The following LAMC3 variants were observed in gnomAD, a reference collection of about 807,000 sequenced individuals.
LAMC3 encodes laminin subunit gamma-3.
A neutral mutation model predicts 173.8 loss-of-function variants in LAMC3; 128 were observed. The ratio of observed to expected loss-of-function variants is 0.74; its 90% confidence interval spans 0.64 to 0.85. LAMC3 has a LOEUF of 0.85. Among genes scored for constraint, LAMC3 ranks in the 40% least tolerant of loss-of-function variants. The pLI is 0.00. For missense variants in LAMC3, 2,022 were observed against 2,156.0 expected (o/e 0.94, Z 1.23); for synonymous variants, 897 against 909.1 (o/e 0.99, Z 0.24).
rs369150856 is a variant in LAMC3, at chr9:131,037,873, C to T, written c.977-991C>T. ...CGGCTCCCCCTTTGCTCCCAGCTAA[C>T]GTCCACTGACCACGGCAGCCCAGCC... On this transcript the variant is annotated intron_variant, in intron 4 of 27. Coordinates refer to ENST00000361069, the MANE Select transcript of LAMC3 (RefSeq NM_006059.4). Among the ~76,000 whole-genome samples the T allele has an allele frequency of 3.9e-4, 59 of 152,350 alleles. 2 individuals are homozygous for T. The South Asian group carries it at 0.011, about 27-fold the overall frequency.
chr9:131,027,183 G>C (rs960058264), intron 2 of LAMC3, among the ~76,000 whole-genome samples: 2 of 152,260 alleles, frequency 1.3e-5, no homozygotes, highest in Non-Finnish European at 2.9e-5. Flanking sequence ...TGTGAGGGCT[G>C]TCAACCCACC....
At chr9:131,066,813 G>A (rs1180583655) in intron 13 of LAMC3, 147 bp from the exon 14 acceptor site, 15 of 1,026,602 alleles carry the variant, frequency 1.5e-5, no homozygotes, top group Non-Finnish European at 2.2e-5. Context: ...GCTGTGGGCA[G>A]CCACTGGGGG....
At position 131,009,991 on chromosome 9, in the gene LAMC3, T is replaced by C. The variant is rs1443377109; in HGVS notation, c.373+404T>C. On this transcript the variant is annotated intron_variant, in intron 1 of 27. Transcript: ENST00000361069. The surrounding 1 kb of genome is among the most constrained non-coding windows in gnomAD (Gnocchi z 4.3). ...CAACATGGTGAAAACCCGTCTCTACTAAAAATAGAAAATTTGGCCGGGCGT... is the reference window on the plus strand; with the variant it reads ...CAACATGGTGAAAACCCGTCTCTACCAAAAATAGAAAATTTGGCCGGGCGT... Among the ~76,000 whole-genome samples, 2 of 151,446 alleles carry C rather than the reference T, an allele frequency of 1.3e-5. No homozygotes were observed. Among genetic ancestry groups the C allele is most frequent in the African/African-American group, 4.9e-5 (2 of 41,172 alleles).
chr9:131,017,750 G>A (rs547948336), intron 1 of LAMC3, among the ~76,000 whole-genome samples: 256 of 144,190 alleles, frequency 1.8e-3, no homozygotes, highest in Non-Finnish European at 3.2e-3. Flanking sequence ...AAAAGGCCAG[G>A]TGCAGTAGTT....
chr9:131,033,769 G>A (rs963173651), intron 3 of LAMC3, among the ~76,000 whole-genome samples: 6 of 152,144 alleles, frequency 3.9e-5, no homozygotes, highest in African/African-American at 1.4e-4. Context: ...ACGCGACTGA[G>A]GATGGAAACG....
chr9:131,062,784 G>T (rs1378577367), intron 13 of LAMC3, among the ~76,000 whole-genome samples: 1 of 151,812 alleles, frequency 6.6e-6, no homozygotes, highest in African/African-American at 2.4e-5. Context: ...TAGGAGAATT[G>T]CTTGAACCCA....
rs539016762 is a variant in LAMC3, at chr9:131,042,416, ACAGTCTTCCC to A, written c.1382+683_1382+692del. Among the ~76,000 whole-genome samples, 8 of 151,958 alleles carry A rather than the reference ACAGTCTTCCC, an allele frequency of 5.3e-5. No homozygotes were observed. In the East Asian group the frequency reaches 1.4e-3, roughly 26 times the overall value. On this transcript the variant is annotated intron_variant, in intron 7 of 27. Coordinates refer to ENST00000361069, the MANE Select transcript of LAMC3 (RefSeq NM_006059.4). The stretch of plus-strand genomic sequence containing the variant: ...TACACATCACTAAGGGAGCACTATC[ACAGTCTTCCC>A]CTTTCTTACCCACAGCAGATATCAC...
chr9:131,026,360 G>A lies in LAMC3; in HGVS notation c.449G>A (p.Arg150His), dbSNP rs774775769. Residue 150 changes from arginine to histidine, a missense_variant, in exon 2 of 28, where the codon CGC becomes CAC. Transcript: ENST00000361069. The surrounding 1 kb of genome is among the most constrained non-coding windows in gnomAD (Gnocchi z 4.8). ...SRPESFAIYK[R>H]SRADGPWEPY... ...CCTGAGAGCTTTGCCATCTACAAGCGCAGCCGCGCCGACGGCCCATGGGAG... is the reference window on the plus strand; with the variant it reads ...CCTGAGAGCTTTGCCATCTACAAGCACAGCCGCGCCGACGGCCCATGGGAG... 19 of 1,614,170 alleles carry A rather than the reference G, an allele frequency of 1.2e-5. No homozygotes were observed. Among genetic ancestry groups the A allele is most frequent in the Non-Finnish European group, 1.6e-5 (19 of 1,180,044 alleles).
Position 131,069,631 on chromosome 9 carries a change from G to A in LAMC3, c.2891-41G>A, listed in dbSNP as rs769002223. Reference sequence around the variant, plus strand: ...CTAAACCCAGCACGCACTGCCCCTGGCCCCTCTAAACCCAGCACGCACTGC... The same window carrying A: ...CTAAACCCAGCACGCACTGCCCCTGACCCCTCTAAACCCAGCACGCACTGC... On this transcript the variant is annotated intron_variant, in intron 16 of 27. Transcript: ENST00000361069. 1.3e-5 allele frequency: 20 copies of A among 1,574,622 alleles called. No individual in the cohort carries two copies. The South Asian group carries it at 2.2e-4, about 17-fold the overall frequency.
rs149563995 is a variant in LAMC3, at chr9:131,080,879, G to A, written c.3928-1180G>A. ...TCAGAATAGGCCTGAGGCAGTACTA[G>A]TGGCTCCTCAAACTACTATTTATTT... is the stretch of plus-strand genomic sequence containing the variant. On this transcript the variant is annotated intron_variant, in intron 23 of 27. Coordinates refer to ENST00000361069, the MANE Select transcript of LAMC3 (RefSeq NM_006059.4). Among the ~76,000 whole-genome samples, 1,354 of 152,264 alleles carry A rather than the reference G, an allele frequency of 8.9e-3. 11 individuals are homozygous for A. Among genetic ancestry groups the A allele is most frequent in the African/African-American group, 0.029 (1,206 of 41,550 alleles).
At chr9:131,044,826 C>T (rs1003742697) in intron 7 of LAMC3, among the ~76,000 whole-genome samples, 7 of 152,168 alleles carry the variant, frequency 4.6e-5, no homozygotes, top group African/African-American at 1.2e-4. Context: ...GACTGAGAAG[C>T]GGTGATAGGT....
At chr9:131,079,420 T>C (rs916172226) in intron 23 of LAMC3, 122 bp downstream of exon 23, 34 of 1,217,814 alleles carry the variant, frequency 2.8e-5, no homozygotes, top group African/African-American at 4.5e-5. Flanking sequence ...TCCGGCCGGG[T>C]GTAGTGGCTC....
rs1834216001 is a variant in LAMC3, at chr9:131,048,367, TTCTAAATGCCTG to T, written c.1520-649_1520-638del. ...CCACTGTGCCTGGCCTTCTAGTTCC[TTCTAAATGCCTG>T]TCTGCAAACTTCTCTTCATGTTGAC... is the stretch of plus-strand genomic sequence containing the variant. On this transcript the variant is annotated intron_variant, in intron 8 of 27. Coordinates refer to ENST00000361069, the MANE Select transcript of LAMC3 (RefSeq NM_006059.4). Among the ~76,000 whole-genome samples, 9 of 152,290 alleles carry T rather than the reference TTCTAAATGCCTG, an allele frequency of 5.9e-5. No individual in the cohort carries two copies. The South Asian group carries it at 1.7e-3, about 28-fold the overall frequency.
intron 23 of LAMC3, 140 bp downstream of exon 23, chr9:131,079,438 T>A: frequency 1.0e-6 from 1 of 967,426 alleles, no homozygotes; most frequent in Non-Finnish European, 1.6e-6. Context: ...CTCACACCTG[T>A]AATCCCACCA....
At chr9:131,011,812 A>G (rs1007723588) in intron 1 of LAMC3, among the ~76,000 whole-genome samples, 1 of 152,102 alleles carries the variant, frequency 6.6e-6, no homozygotes, top group African/African-American at 2.4e-5. Context: ...CTGGGAACCC[A>G]GGGGCCAAGG....
At chr9:131,088,699 A>C (rs556799775) in intron 27 of LAMC3, among the ~76,000 whole-genome samples, 2 of 152,230 alleles carry the variant, frequency 1.3e-5, no homozygotes, top group African/African-American at 4.8e-5. Flanking sequence ...ATCATCTCCA[A>C]CTGAAGCTCT....
intron 13 of LAMC3, 27 bp from the exon 14 acceptor site, chr9:131,066,933 C>A (rs781385528): frequency 1.2e-6 from 2 of 1,612,132 alleles, no homozygotes; most frequent in South Asian, 1.1e-5. Context: ...CAGCTGTGTT[C>A]CCCACACGTG....
intron 15 of LAMC3, 126 bp downstream of exon 15, chr9:131,068,357 C>A: frequency 2.0e-6 from 2 of 988,792 alleles, no homozygotes; most frequent in Non-Finnish European, 2.9e-6. Flanking sequence ...GCACATTGTG[C>A]CCTTTGCCGA....
intron 7 of LAMC3, among the ~76,000 whole-genome samples, chr9:131,045,256 A>G (rs1564373852): frequency 6.6e-6 from 1 of 151,986 alleles, no homozygotes; most frequent in Non-Finnish European, 1.5e-5. Flanking sequence ...CAAAAAAACA[A>G]AACCTAATAA....
Sources: allele counts gnomAD v4.1 joint callset (sites outside exome capture counted in the v4.1 genomes callset), GRCh38; gene constraint gnomAD v4.1.1; non-coding constraint Gnocchi (gnomAD v3.1); transcripts MANE v1.5; gene names NCBI Gene and HGNC (gene_info 2026-07-23, HGNC 2026-07-21).